The following DUS4L variants were observed in gnomAD, a reference collection of about 807,000 sequenced individuals.
DUS4L encodes tRNA-dihydrouridine(20a/20b) synthase [NAD(P)+]-like.
A neutral mutation model predicts 33.8 loss-of-function variants in DUS4L; 31 were observed. That is an observed-to-expected ratio of 0.92 (90% CI 0.69 to 1.24). DUS4L has a LOEUF of 1.24. DUS4L is among the 50% of genes most tolerant of loss of function. DUS4L has a pLI of 0.00. For synonymous variants in DUS4L, 103 were observed against 120.3 expected, an observed-to-expected ratio of 0.86 and a Z score of 0.94; for missense variants, 368 against 388.6, an observed-to-expected ratio of 0.95 and a Z score of 0.45.
rs1231490108 is a variant in DUS4L, at chr7:107,577,757, A to G, written c.*197A>G. 1.9e-6 allele frequency: 1 copy of G among 515,518 alleles called. No homozygotes were observed. Among genetic ancestry groups the G allele is most frequent in the African/African-American group, 1.9e-5 (1 of 52,666 alleles). The allele number at this position is 515,518 out of a possible 1,614,324, so 31.9% of individuals were successfully genotyped here. A position where few individuals can be genotyped will look rare whatever the true frequency, so the allele number is the denominator to read the frequency against. ...AGATCTGGAGTAGACCCAGAAATAC[A>G]CAGTTTAAAGAAAACTCCCAGTGGT... On this transcript the variant is annotated 3_prime_UTR_variant, in exon 8 of 8. Transcript: ENST00000265720.
In DUS4L at chr7:107,577,541, C is replaced by G. The variant is rs1203157726; in HGVS notation, c.935C>G (p.Thr312Arg). Residue 312 changes from threonine to arginine, a missense_variant, in exon 8 of 8, where the codon ACA becomes AGA. By Grantham distance (71) the Thr-to-Arg change is moderately conservative. Transcript: ENST00000265720. The part of the protein sequence containing the change: ...SSTSAIIDYL[T>R]DHYGI ...ACATCAGCAATCATAGATTACCTTACAGACCATTATGGCATTTGACTAGAC... is the reference window on the plus strand; with the variant it reads ...ACATCAGCAATCATAGATTACCTTAGAGACCATTATGGCATTTGACTAGAC... The G allele has an allele frequency of 1.2e-6, 2 of 1,613,812 alleles. No homozygotes were observed. Among genetic ancestry groups the G allele is most frequent in the South Asian group, 2.2e-5 (2 of 91,054 alleles).
In DUS4L at chr7:107,565,406, G is replaced by A. The variant is rs529805893; in HGVS notation, c.-22+730G>A. ...CCTGAAGAGCTTTAATAAAAACACTGATGCCTGCATCCTGAGCCCAGACGT... is the reference window on the plus strand; with the variant it reads ...CCTGAAGAGCTTTAATAAAAACACTAATGCCTGCATCCTGAGCCCAGACGT... On this transcript the variant is annotated intron_variant, in intron 2 of 7. Coordinates refer to ENST00000265720, the MANE Select transcript of DUS4L (RefSeq NM_181581.3). 2.0e-5 allele frequency among the ~76,000 whole-genome samples: 3 copies of A among 152,318 alleles called. No homozygotes were observed. In the East Asian group the frequency reaches 5.8e-4, roughly 29 times the overall value.
rs2129184797 is a variant in DUS4L, at chr7:107,564,053, C to T, written c.-267C>T. 2 of 1,513,864 alleles carry T rather than the reference C, an allele frequency of 1.3e-6. No individual in the cohort carries two copies. The highest frequency in any genetic ancestry group is 1.8e-6 in the Non-Finnish European group (2 of 1,125,876). 93.8% of individuals were successfully genotyped at this position (1,513,864 alleles called of 1,614,324 possible). A position where few individuals can be genotyped will look rare whatever the true frequency, so the allele number is the denominator to read the frequency against. The stretch of plus-strand genomic sequence containing the variant: ...GCCTGGGCTAAGCCTGGCTAGGAGC[C>T]GCGCAGGTACTCGAGCAGTGGGCGC... On this transcript the variant is annotated 5_prime_UTR_variant, in exon 1 of 8. Coordinates refer to ENST00000265720, the MANE Select transcript of DUS4L (RefSeq NM_181581.3).
intron 3 of DUS4L, chr7:107,567,786 C>G (rs1384654271): frequency 4.4e-6 from 2 of 452,128 alleles, no homozygotes; most frequent in Non-Finnish European, 8.9e-6. Flanking sequence ...TAAACTGTGA[C>G]TCCCCATTCC....
At chr7:107,566,792 G>GA (rs5886419) in intron 2 of DUS4L, among the ~76,000 whole-genome samples, 18,705 of 145,930 alleles carry the variant, frequency 0.13, 1,389 homozygotes, top group Non-Finnish European at 0.17. Flanking sequence ...GTAAACTAGG[G>GA]AAAAAAAAAA....
chr7:107,575,341 A>G, intron 6 of DUS4L, 31 bp downstream of exon 6: 3 of 1,602,328 alleles, frequency 1.9e-6, no homozygotes, highest in Non-Finnish European at 2.6e-6. Context: ...TATTGATAGG[A>G]TAATCCATTA....
intron 2 of DUS4L, among the ~76,000 whole-genome samples, chr7:107,564,954 C>A (rs569738895): frequency 1.3e-5 from 2 of 152,292 alleles, no homozygotes; most frequent in Non-Finnish European, 2.9e-5. Context: ...TATCGCTGTT[C>A]TAAGTATTTT....
chr7:107,569,414 T>A (rs551777783), intron 3 of DUS4L, among the ~76,000 whole-genome samples: 1 of 152,348 alleles, frequency 6.6e-6, no homozygotes, highest in Non-Finnish European at 1.5e-5. Flanking sequence ...TTTTAGCTAT[T>A]CTAGTTCCCT....
intron 4 of DUS4L, 72 bp from the exon 5 acceptor site, chr7:107,573,631 CA>C: frequency 1.4e-6 from 2 of 1,443,496 alleles, no homozygotes; most frequent in Non-Finnish European, 1.9e-6. Flanking sequence ...CCTGTACAAA[CA>C]TTAAAGTTTG....
Position 107,571,286 on chromosome 7 carries a change from C to T in DUS4L, c.238+20C>T, listed in dbSNP as rs747667087. The T allele has an allele frequency of 6.3e-7, 1 of 1,590,180 alleles. No individual in the cohort carries two copies. Among genetic ancestry groups the T allele is most frequent in the Non-Finnish European group, 8.5e-7 (1 of 1,173,528 alleles). On this transcript the variant is annotated intron_variant, in intron 4 of 7. Transcript: ENST00000265720. Reference sequence around the variant, plus strand: ...ATCAAGGTATGTGAAACCGAGTGTACTGACTTTGTAAAACTTTTTAAATTT... The same window carrying T: ...ATCAAGGTATGTGAAACCGAGTGTATTGACTTTGTAAAACTTTTTAAATTT...
rs1440971678 is a variant in DUS4L at position 107,577,570 on chromosome 7, C to T, written c.*10C>T. On this transcript the variant is annotated 3_prime_UTR_variant, in exon 8 of 8. Coordinates refer to ENST00000265720, the MANE Select transcript of DUS4L (RefSeq NM_181581.3). The stretch of plus-strand genomic sequence containing the variant: ...CCATTATGGCATTTGACTAGACTTC[C>T]CAAATAATTTTAATATATACTTTTA... The T allele has an allele frequency of 3.7e-6, 6 of 1,608,042 alleles. No individual in the cohort carries two copies. The highest frequency in any genetic ancestry group is 5.1e-6 in the Non-Finnish European group (6 of 1,176,790).
At chr7:107,572,215 G>A (rs995401642) in intron 4 of DUS4L, among the ~76,000 whole-genome samples, 1 of 151,840 alleles carries the variant, frequency 6.6e-6, no homozygotes, top group Non-Finnish European at 1.5e-5. Context: ...GTACAGTGTT[G>A]GAAATATATT....
At chr7:107,569,898 C>T (rs1805049820) in intron 3 of DUS4L, among the ~76,000 whole-genome samples, 1 of 152,128 alleles carries the variant, frequency 6.6e-6, no homozygotes, top group Admixed American at 6.6e-5. Context: ...CCTTTTGTTT[C>T]TTTATCATGC....
intron 3 of DUS4L, 60 bp from the exon 4 acceptor site, chr7:107,571,085 T>C (rs1033111824): frequency 1.9e-5 from 31 of 1,602,670 alleles, no homozygotes; most frequent in Non-Finnish European, 2.6e-5. Context: ...TATTTAACAA[T>C]GCACTAAAAT....
intron 6 of DUS4L, chr7:107,575,654 A>G (rs1350794144): frequency 5.9e-6 from 1 of 169,672 alleles, no homozygotes; most frequent in African/African-American, 2.4e-5. Context: ...CAATGAAAAG[A>G]AAATAAACCA....
chr7:107,577,578 T>C lies in DUS4L; in HGVS notation c.*18T>C, dbSNP rs1805866195. The C allele has an allele frequency of 6.2e-7, 1 of 1,606,048 alleles. No individual in the cohort carries two copies. The highest frequency in any genetic ancestry group is 1.7e-5 in the Admixed American group (1 of 59,506). On this transcript the variant is annotated 3_prime_UTR_variant, in exon 8 of 8. Transcript: ENST00000265720. ...GCATTTGACTAGACTTCCCAAATAA[T>C]TTTAATATATACTTTTAGACCCACA...
chr7:107,565,590 C>G (rs1378078740), intron 2 of DUS4L, among the ~76,000 whole-genome samples: 4 of 152,128 alleles, frequency 2.6e-5, no homozygotes, highest in Non-Finnish European at 4.4e-5. Flanking sequence ...GTGGCAGGAT[C>G]GTGGCTCACT....
chr7:107,572,526 G>C (rs1417084813), intron 4 of DUS4L, among the ~76,000 whole-genome samples: 1 of 152,152 alleles, frequency 6.6e-6, no homozygotes, highest in Non-Finnish European at 1.5e-5. Context: ...TTAAAACCTA[G>C]GAAGCTTTAA....
chr7:107,571,820 C>A (rs915524620), intron 4 of DUS4L, among the ~76,000 whole-genome samples: 2 of 152,166 alleles, frequency 1.3e-5, no homozygotes, highest in African/African-American at 2.4e-5. Context: ...TTTTCATAAT[C>A]TGACCTCTGA....
Sources: gnomAD v4.1 joint callset for allele counts (sites outside exome capture counted in the v4.1 genomes callset) on GRCh38, gnomAD v4.1.1 for gene constraint, MANE v1.5 for transcripts, NCBI Gene and HGNC (gene_info 2026-07-23, HGNC 2026-07-21) for gene names.